The following ADCY1 variants were observed in gnomAD, a reference collection of about 807,000 sequenced individuals.
ADCY1 encodes adenylate cyclase 1.
Under a neutral mutation model 105.4 loss-of-function variants are expected in ADCY1, and 28 were observed. The observed-to-expected ratio is 0.27, with a 90% CI of 0.20 to 0.36. The LOEUF (loss-of-function observed/expected upper bound fraction) is 0.36, where lower values mean the gene tolerates loss of function less well. ADCY1 is among the 10% of genes least tolerant of loss of function. The pLI is 1.00. For missense variants in ADCY1, 977 were observed against 1,434.2 expected (o/e 0.68, Z 5.15); for synonymous variants, 655 against 623.8 (o/e 1.05, Z -0.75).
chr7:45,623,397 A>G (rs1793959657), intron 4 of ADCY1, among the ~76,000 whole-genome samples: 1 of 152,142 alleles, frequency 6.6e-6, no homozygotes, highest in South Asian at 2.1e-4. Context: ...CCTTGTACAG[A>G]GGTTTGCCCT....
chr7:45,612,815 C>A (rs1793626021), intron 3 of ADCY1, among the ~76,000 whole-genome samples: 1 of 152,168 alleles, frequency 6.6e-6, no homozygotes, highest in African/African-American at 2.4e-5. Context: ...CAGGAGAGAA[C>A]AGAGGTGGTA....
At chr7:45,678,314 C>T in intron 10 of ADCY1, 51 bp downstream of exon 10, 1 of 1,556,068 alleles carries the variant, frequency 6.4e-7, no homozygotes, top group Non-Finnish European at 8.9e-7. Context: ...GTCCCGGTTT[C>T]TGGGGTTCGT....
chr7:45,716,242 G>C lies in ADCY1; in HGVS notation c.*2247G>C, dbSNP rs902525636. 11 of 152,316 alleles carry C rather than the reference G, an allele frequency of 7.2e-5. No homozygotes were observed. Among genetic ancestry groups the C allele is most frequent in the Admixed American group, 2.0e-4 (3 of 15,276 alleles). The allele number at this position is 152,316 out of a possible 1,614,324, so 9.4% of individuals were successfully genotyped here. A position where few individuals can be genotyped will look rare whatever the true frequency, so the allele number is the denominator to read the frequency against. On this transcript the variant is annotated 3_prime_UTR_variant, in exon 20 of 20. Coordinates refer to ENST00000297323, the MANE Select transcript of ADCY1 (RefSeq NM_021116.4). ...TATGTGGAATCTCCAGGCTGCCATC[G>C]AGGGCTCCTGAGCTCATCCTGAGGA...
At position 45,610,453 on chromosome 7, in the gene ADCY1, G is replaced by C. The variant is rs778121368; in HGVS notation, c.864G>C (p.Glu288Asp). 3 of 1,614,032 alleles carry C rather than the reference G, an allele frequency of 1.9e-6. No homozygotes were observed. Among genetic ancestry groups the C allele is most frequent in the Admixed American group, 1.7e-5 (1 of 60,022 alleles). ...AGGAGGACTTCCTGAAGCCCCCTGA[G>C]AGGATTTTCCACAAGATTTACATCC... ...EMKEDFLKPP[E>D]RIFHKIYIQR... Residue 288 changes from glutamate to aspartate, a missense_variant, in exon 3 of 20, where the codon GAG becomes GAC. This residue lies in a region of ADCY1 where 196 missense variants were observed against 347.8 expected (regional missense o/e 0.56). Transcript: ENST00000297323.
chr7:45,680,942 A>G (rs959505982), intron 11 of ADCY1, among the ~76,000 whole-genome samples: 18 of 152,254 alleles, frequency 1.2e-4, no homozygotes, highest in Admixed American at 1.2e-3. Context: ...AGCTCTGCCC[A>G]AAGGTCCTGG....
In ADCY1 at chr7:45,650,622, C is replaced by T. The variant is rs1246920421; in HGVS notation, c.1148+1825C>T. ...TGAAGGTTGGTGACCCTGACTGTGC[C>T]GAGTGGGGTCCTCCTGAGAGGGGTC... On this transcript the variant is annotated intron_variant, in intron 5 of 19. Coordinates refer to ENST00000297323, the MANE Select transcript of ADCY1 (RefSeq NM_021116.4). Among the ~76,000 whole-genome samples the T allele has an allele frequency of 3.3e-5, 5 of 152,254 alleles. No individual in the cohort carries two copies. The East Asian group carries it at 7.7e-4, about 24-fold the overall frequency.
intron 14 of ADCY1, among the ~76,000 whole-genome samples, chr7:45,695,638 A>G (rs1584337878): frequency 6.6e-6 from 1 of 152,350 alleles, no homozygotes; most frequent in South Asian, 2.1e-4. Context: ...CTGAAAGGTT[A>G]GATCTGGGTT....
At chr7:45,662,460 CAT>C (rs1310074157) in intron 8 of ADCY1, among the ~76,000 whole-genome samples, 1 of 152,140 alleles carries the variant, frequency 6.6e-6, no homozygotes, top group East Asian at 1.9e-4. Flanking sequence ...CCTGTTTATC[CAT>C]AAATTCAAGC....
At chr7:45,630,890 T>C (rs1173123422) in intron 4 of ADCY1, among the ~76,000 whole-genome samples, 2 of 152,172 alleles carry the variant, frequency 1.3e-5, no homozygotes, top group Admixed American at 1.3e-4. Flanking sequence ...TGGGTATCTC[T>C]GGGGGTCTCG....
At chr7:45,585,504 C>T (rs559902768) in intron 1 of ADCY1, among the ~76,000 whole-genome samples, 96 of 147,264 alleles carry the variant, frequency 6.5e-4, no homozygotes, top group Non-Finnish European at 1.2e-3. Context: ...AGTGCAATGG[C>T]GCGATCTCAT....
chr7:45,646,347 G>A (rs1196418776), intron 4 of ADCY1, among the ~76,000 whole-genome samples: 1 of 152,224 alleles, frequency 6.6e-6, no homozygotes, highest in Non-Finnish European at 1.5e-5. Flanking sequence ...GGTCATTCAA[G>A]CTGGGCCCTG....
chr7:45,707,505 G>A (rs1265673576), intron 17 of ADCY1, among the ~76,000 whole-genome samples: 1 of 152,174 alleles, frequency 6.6e-6, no homozygotes, highest in Non-Finnish European at 1.5e-5. Flanking sequence ...AAGGATTAGT[G>A]GTTGCTGGGG....
chr7:45,662,265 C>A, intron 8 of ADCY1, 51 bp downstream of exon 8: 1 of 1,563,168 alleles, frequency 6.4e-7, no homozygotes, highest in Non-Finnish European at 8.7e-7. Context: ...GGACTGATCT[C>A]TGTCCTGCCC....
Position 45,703,530 on chromosome 7 carries a change from A to G in ADCY1, c.2571+38A>G, listed in dbSNP as rs758255801. The stretch of plus-strand genomic sequence containing the variant: ...CCTGCTCCTGGCCAGCACTAGCCCT[A>G]CACTGCTCTGGCCACCCCACTTGGC... On this transcript the variant is annotated intron_variant, in intron 15 of 19. Coordinates refer to ENST00000297323, the MANE Select transcript of ADCY1 (RefSeq NM_021116.4). The surrounding 1 kb of genome is among the most constrained non-coding windows in gnomAD (Gnocchi z 5.9). 1.2e-6 allele frequency: 2 copies of G among 1,613,524 alleles called. No homozygotes were observed. Among genetic ancestry groups the G allele is most frequent in the Non-Finnish European group, 1.7e-6 (2 of 1,179,722 alleles).
At position 45,713,878 on chromosome 7, in the gene ADCY1, C is replaced by A. The variant is rs1324648989; in HGVS notation, c.3243C>A (p.Gly1081=). 1 of 780,646 alleles carries A rather than the reference C, an allele frequency of 1.3e-6. No individual in the cohort carries two copies. The highest frequency in any genetic ancestry group is 2.4e-6 in the Non-Finnish European group (1 of 418,146). The allele number at this position is 780,646 out of a possible 1,614,324, so 48.4% of individuals were successfully genotyped here. A position where few individuals can be genotyped will look rare whatever the true frequency, so the allele number is the denominator to read the frequency against. ...DRKMCPFGRA[G]LQGRRPPVCP... ...AAATGTGTCCATTTGGGAGAGCTGGCCTTCAGGGCAGACGTCCCCCCGTGT... is the reference window on the plus strand; with the variant it reads ...AAATGTGTCCATTTGGGAGAGCTGGACTTCAGGGCAGACGTCCCCCCGTGT... The change falls in exon 20 of 20, where the codon GGC becomes GGA. Residue 1081 remains glycine, a synonymous_variant. Coordinates refer to ENST00000297323, the MANE Select transcript of ADCY1 (RefSeq NM_021116.4).
At chr7:45,578,136 G>T (rs1336356239) in intron 1 of ADCY1, among the ~76,000 whole-genome samples, 1 of 152,146 alleles carries the variant, frequency 6.6e-6, no homozygotes, top group Non-Finnish European at 1.5e-5. Flanking sequence ...AGGACTCTGG[G>T]GGGCAGAGGA....
At chr7:45,583,210 C>T (rs1477885689) in intron 1 of ADCY1, among the ~76,000 whole-genome samples, 3 of 152,208 alleles carry the variant, frequency 2.0e-5, no homozygotes, top group Non-Finnish European at 4.4e-5. Context: ...TGCCCATGTG[C>T]ATGTGTGCAT....
At chr7:45,704,171 C>G (rs967500148) in intron 16 of ADCY1, among the ~76,000 whole-genome samples, 1 of 151,726 alleles carries the variant, frequency 6.6e-6, no homozygotes, top group Non-Finnish European at 1.5e-5. Flanking sequence ...GATGGGCAGG[C>G]AGGCACGCAC....
At chr7:45,677,592 C>T (rs1784479533) in intron 8 of ADCY1, among the ~76,000 whole-genome samples, 1 of 152,144 alleles carries the variant, frequency 6.6e-6, no homozygotes, top group South Asian at 2.1e-4. Context: ...ATGCTGTTCT[C>T]CCCACTGCAA....
Sources: allele counts gnomAD v4.1 joint callset (sites outside exome capture counted in the v4.1 genomes callset), GRCh38; gene constraint gnomAD v4.1.1; regional missense constraint gnomAD v4.1.1; non-coding constraint Gnocchi (gnomAD v3.1); transcripts MANE v1.5; gene names NCBI Gene and HGNC (gene_info 2026-07-23, HGNC 2026-07-21).